MARCO: variants seen among roughly 807,000 people sequenced by gnomAD.
MARCO encodes the protein macrophage receptor MARCO.
Under a neutral mutation model 70.0 loss-of-function variants are expected in MARCO, and 72 were observed. The observed-to-expected ratio is 1.03, with a 90% CI of 0.85 to 1.25. The LOEUF (loss-of-function observed/expected upper bound fraction) is 1.25. Among genes scored for constraint, MARCO ranks in the 50% most tolerant of loss-of-function variants. MARCO has a pLI of 0.00. For missense variants in MARCO, 696 were observed against 659.3 expected (o/e 1.06, Z -0.61); for synonymous variants, 273 against 243.1 (o/e 1.12, Z -1.14).
intron 4 of MARCO, among the ~76,000 whole-genome samples, chr2:118,972,984 A>G (rs558571412): frequency 3.0e-4 from 46 of 152,290 alleles, no homozygotes; most frequent in African/African-American, 1.0e-3. Flanking sequence ...GCGTACATAG[A>G]GGAAAACTCC....
Position 118,990,626 on chromosome 2 carries a change from AGTTCCAG to A in MARCO, c.1104_1108+2del. 2 of 1,459,764 alleles carry A rather than the reference AGTTCCAG, an allele frequency of 1.4e-6. No homozygotes were observed. Among genetic ancestry groups the A allele is most frequent in the Non-Finnish European group, 1.8e-6 (2 of 1,083,254 alleles). 90.4% of individuals were successfully genotyped at this position (1,459,764 alleles called of 1,614,324 possible). On this transcript the variant is annotated frameshift_variant and splice_region_variant, in exon 13 of 17. Transcript: ENST00000327097. LOFTEE classifies it high-confidence loss of function. ...AGCAAGGAAGAAAAGGAGAATCAGGAGTTCCAGGTAAAGGGCAGGCTGCATCTTCATC... is the reference window on the plus strand; with the variant it reads ...AGCAAGGAAGAAAAGGAGAATCAGGAGTAAAGGGCAGGCTGCATCTTCATC...
chr2:118,947,372 G>A (rs1396629606), intron 1 of MARCO, among the ~76,000 whole-genome samples: 1 of 152,096 alleles, frequency 6.6e-6, no homozygotes, highest in Non-Finnish European at 1.5e-5. Flanking sequence ...ATTCACAGGT[G>A]TGATCATAGT....
At chr2:118,987,849 T>C (rs976105501) in intron 12 of MARCO, among the ~76,000 whole-genome samples, 1 of 152,184 alleles carries the variant, frequency 6.6e-6, no homozygotes. Flanking sequence ...ACTCCTCTTT[T>C]AGGGGGAAGA....
At chr2:118,983,949 C>T (rs1056309009) in intron 12 of MARCO, among the ~76,000 whole-genome samples, 1 of 152,200 alleles carries the variant, frequency 6.6e-6, no homozygotes, top group Non-Finnish European at 1.5e-5. Flanking sequence ...GAATCCTGCC[C>T]TGCCCTTTGC....
chr2:118,986,676 A>AAGGAAG lies in MARCO; in HGVS notation c.1064-3913_1064-3912insAGGAAG, dbSNP rs1558671765. 2.7e-4 allele frequency among the ~76,000 whole-genome samples: 12 copies of AAGGAAG among 44,896 alleles called. 1 individual carries two copies. The highest frequency in any genetic ancestry group is 1.4e-3 in the African/African-American group (11 of 8,004). The allele number at this position is 44,896 out of a possible 152,430, so 29.5% of individuals were successfully genotyped here. ...AAGAAGGAAGGAAGGAAGGAAGGAA[A>AAGGAAG]GAAAGAAAGAAAGAAAGAAAGAAAG... On this transcript the variant is annotated intron_variant, in intron 12 of 16. Coordinates refer to ENST00000327097, the MANE Select transcript of MARCO (RefSeq NM_006770.4).
intron 1 of MARCO, 150 bp downstream of exon 1, chr2:118,942,547 C>T (rs1679524721): frequency 3.4e-6 from 2 of 584,308 alleles, no homozygotes; most frequent in African/African-American, 3.7e-5. Flanking sequence ...TGGAGTGCTT[C>T]AATTTGGAAT....
chr2:118,989,505 C>T, intron 12 of MARCO, among the ~76,000 whole-genome samples: 1 of 152,190 alleles, frequency 6.6e-6, no homozygotes, highest in Admixed American at 6.5e-5. Flanking sequence ...GAGGTGGGAT[C>T]TGAAATGCCC....
Position 118,993,318 on chromosome 2 carries a change from C to G in MARCO, c.1429+18C>G. The G allele has an allele frequency of 6.2e-7, 1 of 1,612,810 alleles. No individual in the cohort carries two copies. The highest frequency in any genetic ancestry group is 8.5e-7 in the Non-Finnish European group (1 of 1,179,196). ...GGGAGCTGGTAAGTGAGTCATCAGC[C>G]GGGGGCCTCTTCCCCAGAGGTGTGG... On this transcript the variant is annotated intron_variant, in intron 16 of 16. Coordinates refer to ENST00000327097, the MANE Select transcript of MARCO (RefSeq NM_006770.4).
At chr2:118,972,257 C>G (rs1032589349) in intron 4 of MARCO, among the ~76,000 whole-genome samples, 2 of 152,226 alleles carry the variant, frequency 1.3e-5, no homozygotes, top group African/African-American at 4.8e-5. Context: ...TACACACACG[C>G]TTCACTCACA....
rs13418977 is a variant in MARCO, at chr2:118,978,209, A to G, written c.766+274A>G. Among the ~76,000 whole-genome samples the G allele has an allele frequency of 0.12, 18,942 of 152,044 alleles. 2,156 individuals carry two copies. The highest frequency in any genetic ancestry group is 0.3 in the African/African-American group (12,352 of 41,426). ...GAGAGGAAGCCAAGGGGATGAGGAGAGTGGGCCTGCACTGGGCCTTGGGAA... is the reference window on the plus strand; with the variant it reads ...GAGAGGAAGCCAAGGGGATGAGGAGGGTGGGCCTGCACTGGGCCTTGGGAA... On this transcript the variant is annotated intron_variant, in intron 8 of 16. Coordinates refer to ENST00000327097, the MANE Select transcript of MARCO (RefSeq NM_006770.4).
chr2:118,950,209 C>T (rs1679693634), intron 1 of MARCO, among the ~76,000 whole-genome samples: 4 of 152,140 alleles, frequency 2.6e-5, no homozygotes, highest in Admixed American at 2.6e-4. Context: ...TTAATAAAAC[C>T]TTGTTGACAT....
Position 118,990,569 on chromosome 2 carries a change from C to CGGGGTGTG in MARCO, c.1064-20_1064-19insGGGGTGTG. The CGGGGTGTG allele has an allele frequency of 7.1e-7, 1 of 1,415,984 alleles. No individual in the cohort carries two copies. The allele number at this position is 1,415,984 out of a possible 1,614,324, so 87.7% of individuals were successfully genotyped here. A position where few individuals can be genotyped will look rare whatever the true frequency, so the allele number is the denominator to read the frequency against. On this transcript the variant is annotated intron_variant, in intron 12 of 16. Coordinates refer to ENST00000327097, the MANE Select transcript of MARCO (RefSeq NM_006770.4). The stretch of plus-strand genomic sequence containing the variant: ...AGTTTTATTATCTCCTCCCCCCCCC[C>CGGGGTGTG]TTTTTTGTTTTGATCTTAGGACTTC...
intron 12 of MARCO, among the ~76,000 whole-genome samples, chr2:118,989,912 T>G (rs1455607087): frequency 1.3e-5 from 2 of 152,134 alleles, no homozygotes; most frequent in Non-Finnish European, 2.9e-5. Context: ...AATTATTATC[T>G]CAGTGACCCA....
intron 1 of MARCO, among the ~76,000 whole-genome samples, chr2:118,960,106 AAAAAT>A (rs1679913864): frequency 7.1e-6 from 1 of 140,908 alleles, no homozygotes; most frequent in African/African-American, 2.9e-5. Flanking sequence ...TAACTTATGG[AAAAAT>A]AAAATAAAAT....
At chr2:118,956,702 C>T (rs1272429334) in intron 1 of MARCO, among the ~76,000 whole-genome samples, 1 of 152,106 alleles carries the variant, frequency 6.6e-6, no homozygotes, top group Non-Finnish European at 1.5e-5. Flanking sequence ...TTCTATTCAA[C>T]AGTGCATGGA....
chr2:118,942,995 C>T (rs560433185), intron 1 of MARCO, among the ~76,000 whole-genome samples: 3 of 152,322 alleles, frequency 2.0e-5, no homozygotes, highest in East Asian at 3.9e-4. Flanking sequence ...ACAGGTGATG[C>T]ATTTTTAAAA....
chr2:118,974,858 T>A (rs1680250961), intron 6 of MARCO, among the ~76,000 whole-genome samples: 1 of 152,142 alleles, frequency 6.6e-6, no homozygotes, highest in Non-Finnish European at 1.5e-5. Context: ...AATGTAAGTC[T>A]GCCAGTGCCA....
In MARCO at chr2:118,984,428, C is replaced by T. The variant is rs137883307; in HGVS notation, c.1063+2018C>T. The stretch of plus-strand genomic sequence containing the variant: ...CTTATGGAGTTCTCCAATAATTAGG[C>T]CTAGTGGTGAGTACCAGCCAGCAAA... On this transcript the variant is annotated intron_variant, in intron 12 of 16. Transcript: ENST00000327097. Among the ~76,000 whole-genome samples the T allele has an allele frequency of 1.9e-3, 286 of 152,280 alleles. 5 individuals are homozygous for T. Among genetic ancestry groups the T allele is most frequent in the African/African-American group, 6.0e-3 (249 of 41,564 alleles).
chr2:118,955,238 T>C (rs1168821937), intron 1 of MARCO, among the ~76,000 whole-genome samples: 1 of 151,036 alleles, frequency 6.6e-6, no homozygotes, highest in African/African-American at 2.5e-5. Flanking sequence ...CTCAAGAAAA[T>C]AGATAGTTTA....
Sources: allele counts gnomAD v4.1 joint callset (sites outside exome capture counted in the v4.1 genomes callset), GRCh38; gene constraint gnomAD v4.1.1; transcripts MANE v1.5; gene names NCBI Gene and HGNC (gene_info 2026-07-23, HGNC 2026-07-21).